Variants in GRIA3 observed in about 807,000 individuals in gnomAD.
GRIA3 encodes glutamate receptor 3.
Under a neutral mutation model 63.0 loss-of-function variants are expected in GRIA3, and 3 were observed. The observed-to-expected ratio is 0.05, with a 90% CI of 0.02 to 0.12. The LOEUF (loss-of-function observed/expected upper bound fraction) is 0.12, where lower values mean the gene tolerates loss of function less well. Ranked by LOEUF, GRIA3 falls within the 10% of genes least tolerant of loss-of-function variation. GRIA3 has a pLI of 1.00. For missense variants in GRIA3, 347 were observed against 700.9 expected (o/e 0.50, Z 5.70); for synonymous variants, 274 against 257.9 (o/e 1.06, Z -0.60).
intron 3 of GRIA3, among the ~76,000 whole-genome samples, chrX:123,271,883 A>G (rs2044525920): frequency 8.9e-6 from 1 of 111,969 alleles, no homozygotes; most frequent in Admixed American, 9.5e-5. Context: ...CTCCATACTG[A>G]CAGCCACTTT....
chrX:123,447,707 A>C (rs1419741244), intron 12 of GRIA3, among the ~76,000 whole-genome samples: 1 of 112,104 alleles, frequency 8.9e-6, no homozygotes, highest in Non-Finnish European at 1.9e-5. Context: ...CTTTTGGTAT[A>C]GCTTGGCTCA....
chrX:123,345,120 A>G (rs1035560493), intron 4 of GRIA3, among the ~76,000 whole-genome samples: 12 of 111,208 alleles, frequency 1.1e-4, no homozygotes, highest in Admixed American at 1.1e-3. Context: ...CCTTAGTGCT[A>G]TCTCTACCTC....
chrX:123,372,962 C>T (rs777898927), intron 5 of GRIA3, among the ~76,000 whole-genome samples: 3 of 108,815 alleles, frequency 2.8e-5, no homozygotes, highest in African/African-American at 1.0e-4. Flanking sequence ...GTGTGCTGCA[C>T]CCATTAACTC....
In GRIA3 at chrX:123,376,113, C is replaced by T. The variant is rs747504931; in HGVS notation, c.751-18855C>T. Among the ~76,000 whole-genome samples, 7 of 112,179 alleles carry T rather than the reference C, an allele frequency of 6.2e-5. No individual in the cohort carries two copies. The East Asian group carries it at 2.0e-3, about 31-fold the overall frequency. On this transcript the variant is annotated intron_variant, in intron 5 of 15. Coordinates refer to ENST00000620443, the MANE Select transcript of GRIA3 (RefSeq NM_007325.5). Reference sequence around the variant, plus strand: ...CATACCACTGTCCCCTTCTTTCATTCTCTATCTTATGTCCTGGATATTGGT... The same window carrying T: ...CATACCACTGTCCCCTTCTTTCATTTTCTATCTTATGTCCTGGATATTGGT...
chrX:123,207,317 C>G (rs1168746760), intron 2 of GRIA3, among the ~76,000 whole-genome samples: 1 of 111,654 alleles, frequency 9.0e-6, no homozygotes, highest in Non-Finnish European at 1.9e-5. Flanking sequence ...TTCTTACATA[C>G]CAGGCATCCT....
At position 123,381,135 on chromosome X, in the gene GRIA3, A is replaced by G. The variant is rs192420723; in HGVS notation, c.751-13833A>G. On this transcript the variant is annotated intron_variant, in intron 5 of 15. Transcript: ENST00000620443. ...TATATATTTTATTCTCATCTCTTTTATGTTAGTGTCTTTAGGGAGGTTTTA... is the reference window on the plus strand; with the variant it reads ...TATATATTTTATTCTCATCTCTTTTGTGTTAGTGTCTTTAGGGAGGTTTTA... Among the ~76,000 whole-genome samples, 4 of 111,703 alleles carry G rather than the reference A, an allele frequency of 3.6e-5. No individual in the cohort carries two copies. The East Asian group carries it at 1.1e-3, about 31-fold the overall frequency.
intron 2 of GRIA3, among the ~76,000 whole-genome samples, chrX:123,230,663 AG>A (rs1469335930): frequency 8.0e-5 from 9 of 111,813 alleles, no homozygotes; most frequent in Non-Finnish European, 1.5e-4. Context: ...ACCTATGTGT[AG>A]GGCTTCCCAG....
intron 3 of GRIA3, among the ~76,000 whole-genome samples, chrX:123,315,629 G>A (rs911409516): frequency 9.0e-6 from 1 of 111,715 alleles, no homozygotes; most frequent in Admixed American, 9.5e-5. Flanking sequence ...TGAGATATGG[G>A]AAAACATACC....
intron 2 of GRIA3, among the ~76,000 whole-genome samples, chrX:123,220,293 G>C (rs955687585): frequency 8.9e-6 from 1 of 112,081 alleles, no homozygotes; most frequent in Non-Finnish European, 1.9e-5. Context: ...ACCCACAACA[G>C]GATTAGCTTG....
At chrX:123,412,954 GA>G (rs1342707803) in intron 10 of GRIA3, among the ~76,000 whole-genome samples, 1 of 109,201 alleles carries the variant, frequency 9.2e-6, no homozygotes, top group African/African-American at 3.3e-5. Context: ...CCAGGCTGAG[GA>G]AAAAAAAAGG....
chrX:123,342,593 C>G (rs761510063), intron 4 of GRIA3, among the ~76,000 whole-genome samples: 1 of 112,146 alleles, frequency 8.9e-6, no homozygotes, highest in East Asian at 2.8e-4. Context: ...GGCTGTGAGC[C>G]ACTTCCCTTT....
chrX:123,200,191 T>A (rs910165563), intron 2 of GRIA3, among the ~76,000 whole-genome samples: 4 of 111,167 alleles, frequency 3.6e-5, no homozygotes, highest in African/African-American at 1.3e-4. Flanking sequence ...TATTCTCTAG[T>A]AAGTCATATT....
At chrX:123,326,369 G>GAAAAAAAA (rs56808544) in intron 4 of GRIA3, among the ~76,000 whole-genome samples, 156 bp downstream of exon 4, 1 of 70,061 alleles carries the variant, frequency 1.4e-5, no homozygotes, top group Non-Finnish European at 2.7e-5. Flanking sequence ...AGTGGCTGCA[G>GAAAAAAAA]AAAAAAAAAA....
chrX:123,421,853 C>A (rs1188768486), intron 11 of GRIA3, among the ~76,000 whole-genome samples: 2 of 111,903 alleles, frequency 1.8e-5, no homozygotes, highest in African/African-American at 6.5e-5. Context: ...ATTTGCCCAG[C>A]CACACAGCTA....
intron 2 of GRIA3, among the ~76,000 whole-genome samples, chrX:123,246,532 T>G (rs1211316495): frequency 8.9e-6 from 1 of 111,925 alleles, no homozygotes. Context: ...CCGACTCTCA[T>G]TTTGCCTCTG....
At chrX:123,377,182 C>T (rs376622481) in intron 5 of GRIA3, among the ~76,000 whole-genome samples, 17 of 110,860 alleles carry the variant, frequency 1.5e-4, no homozygotes, top group South Asian at 1.1e-3. Flanking sequence ...GTGATCCGCC[C>T]GCCTCGGCCT....
chrX:123,260,405 ACAGACAGACAGACAGACAGACAG>A (rs1569409532), intron 3 of GRIA3, among the ~76,000 whole-genome samples: 2,004 of 10,973 alleles, frequency 0.18, 730 homozygotes, highest in South Asian at 0.43. Flanking sequence ...AGAAAGAAAG[ACAGACAGACAGACAGACAGACAG>A]AAAGAAAGAA....
At chrX:123,270,037 C>A (rs182062568) in intron 3 of GRIA3, among the ~76,000 whole-genome samples, 35 of 112,455 alleles carry the variant, frequency 3.1e-4, no homozygotes, top group African/African-American at 1.1e-3. Flanking sequence ...AAAAAGCATA[C>A]GTATTTTCTG....
intron 13 of GRIA3, among the ~76,000 whole-genome samples, chrX:123,472,135 T>C (rs5911626): frequency 0.49 from 48,817 of 99,801 alleles, 9,508 homozygotes; most frequent in East Asian, 0.7. Flanking sequence ...CAAACAGATC[T>C]GATTTCAGAT....
Sources: gnomAD v4.1 joint callset for allele counts (sites outside exome capture counted in the v4.1 genomes callset) on GRCh38, gnomAD v4.1.1 for gene constraint, MANE v1.5 for transcripts, NCBI Gene and HGNC (gene_info 2026-07-23, HGNC 2026-07-21) for gene names.